Variants in PRKD1 observed in about 807,000 individuals in gnomAD.
PRKD1 encodes serine/threonine-protein kinase D1.
A neutral mutation model predicts 95.9 loss-of-function variants in PRKD1; 63 were observed. The ratio of observed to expected loss-of-function variants is 0.66; its 90% confidence interval spans 0.54 to 0.81. PRKD1 has a LOEUF of 0.81. Ranked by LOEUF, PRKD1 falls within the 30% of genes least tolerant of loss-of-function variation. The pLI, the probability that PRKD1 is intolerant of heterozygous loss-of-function variation, is 0.00. For synonymous variants in PRKD1, 425 were observed against 423.1 expected (o/e 1.00, Z -0.05); for missense variants, 1,048 against 1,165.3 (o/e 0.90, Z 1.47).
chr14:29,780,725 G>A (rs1038773074), intron 1 of PRKD1, among the ~76,000 whole-genome samples: 1 of 152,224 alleles, frequency 6.6e-6, no homozygotes, highest in African/African-American at 2.4e-5. Context: ...GTGGAAGACA[G>A]TGTGGTGATT....
chr14:29,761,711 A>T (rs1252509327), intron 1 of PRKD1, among the ~76,000 whole-genome samples: 1 of 152,178 alleles, frequency 6.6e-6, no homozygotes, highest in East Asian at 1.9e-4. Flanking sequence ...TCCCTGCATA[A>T]AGCAGAAAAA....
intron 4 of PRKD1, among the ~76,000 whole-genome samples, chr14:29,663,148 C>CAGATAT (rs375305178): frequency 7.6e-6 from 1 of 131,662 alleles, no homozygotes; most frequent in African/African-American, 2.8e-5. Flanking sequence ...AATATTCTTC[C>CAGATAT]ATATATATAT....
intron 1 of PRKD1, among the ~76,000 whole-genome samples, chr14:29,741,462 G>T (rs1886976487): frequency 1.3e-5 from 2 of 152,130 alleles, no homozygotes; most frequent in Admixed American, 1.3e-4. Flanking sequence ...CCACTGCAGA[G>T]ATTAGATGAA....
intron 2 of PRKD1, among the ~76,000 whole-genome samples, chr14:29,715,648 G>T (rs1045785851): frequency 6.6e-6 from 1 of 152,064 alleles, no homozygotes; most frequent in Non-Finnish European, 1.5e-5. Flanking sequence ...AAAACCAAAG[G>T]TTTTTTCAAA....
intron 1 of PRKD1, among the ~76,000 whole-genome samples, chr14:29,867,209 G>A (rs1201610536): frequency 2.6e-5 from 4 of 152,098 alleles, no homozygotes; most frequent in Admixed American, 2.6e-4. Context: ...AAATAACAAA[G>A]CAAATAAATG....
At chr14:29,890,644 T>C (rs1390263182) in intron 1 of PRKD1, among the ~76,000 whole-genome samples, 1 of 152,008 alleles carries the variant, frequency 6.6e-6, no homozygotes, top group Non-Finnish European at 1.5e-5. Context: ...AGTAAAATAA[T>C]TAAAGATAAT....
intron 1 of PRKD1, among the ~76,000 whole-genome samples, chr14:29,874,395 C>T (rs1893214775): frequency 6.6e-6 from 1 of 152,096 alleles, no homozygotes; most frequent in Non-Finnish European, 1.5e-5. Flanking sequence ...ATTAGTATGA[C>T]CACTACGGAA....
At chr14:29,640,224 C>T (rs1349631576) in intron 4 of PRKD1, among the ~76,000 whole-genome samples, 1 of 152,062 alleles carries the variant, frequency 6.6e-6, no homozygotes, top group Non-Finnish European at 1.5e-5. Context: ...AAAATGTGAA[C>T]CTACATTTGT....
intron 1 of PRKD1, among the ~76,000 whole-genome samples, chr14:29,784,935 C>T (rs929010008): frequency 6.6e-6 from 1 of 152,184 alleles, no homozygotes; most frequent in African/African-American, 2.4e-5. Flanking sequence ...CAGCTTCAAC[C>T]AGCTTATAGA....
Position 29,643,151 on chromosome 14 carries a change from G to A in PRKD1, c.697-4247C>T, listed in dbSNP as rs146039803. 3.9e-3 allele frequency among the ~76,000 whole-genome samples: 589 copies of A among 152,200 alleles called. 2 individuals are homozygous for A. The highest frequency in any genetic ancestry group is 0.013 in the African/African-American group (521 of 41,536). On this transcript the variant is annotated intron_variant, in intron 4 of 17. Transcript: ENST00000331968. ...GAGGAGTTTGGATCAACTTACAGGT[G>A]TGGATCTTTTGTAAGAATTGACATC... is the stretch of plus-strand genomic sequence containing the variant.
chr14:29,808,701 C>T (rs1217211447), intron 1 of PRKD1, among the ~76,000 whole-genome samples: 1 of 152,000 alleles, frequency 6.6e-6, no homozygotes, highest in Non-Finnish European at 1.5e-5. Flanking sequence ...TCAGGTTCTA[C>T]TTCTAATTCT....
intron 4 of PRKD1, among the ~76,000 whole-genome samples, chr14:29,648,091 T>C (rs1421658708): frequency 6.6e-6 from 1 of 152,216 alleles, no homozygotes; most frequent in African/African-American, 2.4e-5. Context: ...GGGAAAGAGA[T>C]AAGGTTAATT....
chr14:29,787,217 T>G (rs934333904), intron 1 of PRKD1, among the ~76,000 whole-genome samples: 37 of 86,840 alleles, frequency 4.3e-4, no homozygotes, highest in Admixed American at 3.3e-3. Flanking sequence ...TGTTCAGTGT[T>G]TTTTTTTTTT....
chr14:29,844,456 T>C (rs896587845), intron 1 of PRKD1, among the ~76,000 whole-genome samples: 9 of 152,182 alleles, frequency 5.9e-5, no homozygotes, highest in Admixed American at 3.9e-4. Flanking sequence ...TTATGGTACA[T>C]ACCCATGTTA....
chr14:29,634,035 C>G (rs45498794), intron 8 of PRKD1, among the ~76,000 whole-genome samples: 2,244 of 152,256 alleles, frequency 0.015, 49 homozygotes, highest in African/African-American at 0.044. Context: ...TAAGGACTTA[C>G]GAAGTATAAG....
chr14:29,638,396 C>A, intron 6 of PRKD1, 93 bp downstream of exon 6: 1 of 1,401,284 alleles, frequency 7.1e-7, no homozygotes, highest in South Asian at 1.2e-5. Context: ...AATATCTGAA[C>A]CAAAACCAAA....
intron 2 of PRKD1, among the ~76,000 whole-genome samples, chr14:29,714,370 C>T (rs957961849): frequency 6.6e-6 from 1 of 152,186 alleles, no homozygotes; most frequent in Non-Finnish European, 1.5e-5. Flanking sequence ...CTTATCATCA[C>T]TGGTCATTAG....
chr14:29,924,048 T>C (rs1895214226), intron 1 of PRKD1, among the ~76,000 whole-genome samples: 1 of 152,114 alleles, frequency 6.6e-6, no homozygotes, highest in Non-Finnish European at 1.5e-5. Flanking sequence ...CCATGTACAC[T>C]AACAGAATAC....
intron 1 of PRKD1, among the ~76,000 whole-genome samples, chr14:29,739,044 C>T (rs1886869913): frequency 6.6e-6 from 1 of 152,088 alleles, no homozygotes. Context: ...CCATGTTGGC[C>T]AGGCTGATCT....
Sources: gnomAD v4.1 joint callset for allele counts (sites outside exome capture counted in the v4.1 genomes callset) on GRCh38, gnomAD v4.1.1 for gene constraint, MANE v1.5 for transcripts, NCBI Gene and HGNC (gene_info 2026-07-23, HGNC 2026-07-21) for gene names.